ADAMTS17: variants seen among roughly 807,000 people sequenced by gnomAD.
ADAMTS17 encodes ADAM metallopeptidase with thrombospondin type 1 motif 17.
Under a neutral mutation model 141.5 loss-of-function variants are expected in ADAMTS17, and 113 were observed. That is an observed-to-expected ratio of 0.80 (90% confidence interval 0.69 to 0.93). The LOEUF (loss-of-function observed/expected upper bound fraction) is 0.93. ADAMTS17 is among the 40% of genes least tolerant of loss of function. ADAMTS17 has a pLI of 0.00. For missense variants in ADAMTS17, 1,659 were observed against 1,517.9 expected (o/e 1.09, Z -1.54); for synonymous variants, 768 against 630.6 (o/e 1.22, Z -3.27).
rs375900400 is a variant in ADAMTS17, at chr15:100,341,048, G to C, written c.441C>G (p.Ala147=). 1,728 of 1,522,038 alleles carry C rather than the reference G, an allele frequency of 1.1e-3. 23 individuals carry two copies. In the South Asian group the frequency reaches 0.017, roughly 15 times the overall value. The allele number at this position is 1,522,038 out of a possible 1,614,324, so 94.3% of individuals were successfully genotyped here. A position where few individuals can be genotyped will look rare whatever the true frequency, so the allele number is the denominator to read the frequency against. Reference sequence around the variant, plus strand: ...GTGGCGCGGGCAGTACCAGGCCGCCGGCGGCGCCGCAGGCGCTGAGCGAGA... The same window carrying C: ...GTGGCGCGGGCAGTACCAGGCCGCCCGCGGCGCCGCAGGCGCTGAGCGAGA... The part of the protein sequence containing the change: ...SLVSLSACGA[A]GGLVGLIQLG... Residue 147 remains alanine (A), a synonymous_variant, in exon 2 of 22, where the codon GCC becomes GCG. Coordinates refer to ENST00000268070, the MANE Select transcript of ADAMTS17 (RefSeq NM_139057.4).
intron 12 of ADAMTS17, among the ~76,000 whole-genome samples, chr15:100,127,921 A>G (rs1200668981): frequency 6.6e-6 from 1 of 151,786 alleles, no homozygotes; most frequent in Non-Finnish European, 1.5e-5. Flanking sequence ...CAATGAAGAT[A>G]AAAATAATAC....
At chr15:100,253,645 A>G (rs2043232404) in intron 7 of ADAMTS17, among the ~76,000 whole-genome samples, 1 of 152,100 alleles carries the variant, frequency 6.6e-6, no homozygotes, top group Non-Finnish European at 1.5e-5. Flanking sequence ...TAGTCACTAA[A>G]AAGCAAGTAG....
In ADAMTS17 at chr15:100,294,649, T is replaced by A. The variant is rs556366389; in HGVS notation, c.617-13248A>T. On this transcript the variant is annotated intron_variant, in intron 3 of 21. Transcript: ENST00000268070. ...CTTGAGCCCAGAGACTGATGATGCA[T>A]TGAGCCATGACCGTGCCACTGCACT... Among the ~76,000 whole-genome samples the A allele has an allele frequency of 5.9e-5, 9 of 151,948 alleles. No individual in the cohort carries two copies. The South Asian group carries it at 1.9e-3, about 32-fold the overall frequency.
chr15:100,216,864 G>C (rs115395610), intron 7 of ADAMTS17, among the ~76,000 whole-genome samples: 1 of 152,298 alleles, frequency 6.6e-6, no homozygotes, highest in African/African-American at 2.4e-5. Context: ...ATTTTACTAA[G>C]ATTAGATTCG....
chr15:100,056,901 A>C (rs556964841), intron 15 of ADAMTS17, among the ~76,000 whole-genome samples: 1 of 152,012 alleles, frequency 6.6e-6, no homozygotes, highest in Non-Finnish European at 1.5e-5. Flanking sequence ...CAATTTCACA[A>C]GCTTTATGGT....
At chr15:100,150,911 G>A (rs2039131013) in intron 10 of ADAMTS17, among the ~76,000 whole-genome samples, 1 of 152,170 alleles carries the variant, frequency 6.6e-6, no homozygotes, top group African/African-American at 2.4e-5. Context: ...CCTGAAACCT[G>A]CTCTTTACTG....
intron 15 of ADAMTS17, among the ~76,000 whole-genome samples, chr15:100,064,724 G>C (rs1370190209): frequency 6.6e-6 from 1 of 152,202 alleles, no homozygotes; most frequent in East Asian, 1.9e-4. Flanking sequence ...AAGACTCAGG[G>C]AAAACATGAC....
intron 3 of ADAMTS17, among the ~76,000 whole-genome samples, chr15:100,290,284 G>A (rs1466672777): frequency 6.6e-6 from 1 of 151,978 alleles, no homozygotes; most frequent in Non-Finnish European, 1.5e-5. Context: ...AAAATACCCA[G>A]GAATAAGGCT....
rs920987720 is a variant in ADAMTS17, at chr15:99,997,158, C to G, written c.2796+227G>C. On this transcript the variant is annotated intron_variant, in intron 19 of 21. Coordinates refer to ENST00000268070, the MANE Select transcript of ADAMTS17 (RefSeq NM_139057.4). This position sits in a 1 kb window ranked among gnomAD's most constrained non-coding sequence, Gnocchi z 4.7. ...AATTTTCATAGGAAATGGGATCAAACAGTCCTTCACTGTGGTGTTGACATG... is the reference window on the plus strand; with the variant it reads ...AATTTTCATAGGAAATGGGATCAAAGAGTCCTTCACTGTGGTGTTGACATG... Among the ~76,000 whole-genome samples the G allele has an allele frequency of 6.6e-6, 1 of 152,264 alleles. No individual in the cohort carries two copies. The highest frequency in any genetic ancestry group is 2.4e-5 in the African/African-American group (1 of 41,466).
intron 18 of ADAMTS17, among the ~76,000 whole-genome samples, chr15:100,038,015 A>G (rs953479217): frequency 6.6e-6 from 1 of 152,118 alleles, no homozygotes; most frequent in South Asian, 2.1e-4. Flanking sequence ...GACTCAAGCA[A>G]TCCTCTAAAG....
chr15:100,193,005 G>A (rs1010776039), intron 8 of ADAMTS17, among the ~76,000 whole-genome samples: 5 of 152,186 alleles, frequency 3.3e-5, no homozygotes, highest in Admixed American at 2.6e-4. Flanking sequence ...CCTTCCCGAC[G>A]TCCACTGTCC....
In ADAMTS17 at chr15:100,230,372, C is replaced by G. The variant is rs191206530; in HGVS notation, c.1075+23764G>C. 4.5e-3 allele frequency among the ~76,000 whole-genome samples: 691 copies of G among 152,302 alleles called. 4 individuals carry two copies. The highest frequency in any genetic ancestry group is 0.015 in the African/African-American group (636 of 41,560). ...GATAGTAACAGATTCCTGTGTATAA[C>G]TCTTTCCAGATGCTGGCTGGTACAG... is the stretch of plus-strand genomic sequence containing the variant. On this transcript the variant is annotated intron_variant, in intron 7 of 21. Transcript: ENST00000268070.
chr15:100,152,910 A>T, intron 9 of ADAMTS17, 148 bp from the exon 10 acceptor site: 1 of 588,076 alleles, frequency 1.7e-6, no homozygotes, highest in Non-Finnish European at 2.2e-6. Context: ...CTGGACACAC[A>T]GACTGCGCTT....
intron 6 of ADAMTS17, among the ~76,000 whole-genome samples, chr15:100,259,176 G>A (rs1217768862): frequency 1.3e-5 from 2 of 152,224 alleles, no homozygotes; most frequent in Non-Finnish European, 2.9e-5. Context: ...TTCCACAGAT[G>A]ACGTTGTTTA....
chr15:100,004,554 A>G (rs1464745149), intron 18 of ADAMTS17, among the ~76,000 whole-genome samples: 1 of 151,940 alleles, frequency 6.6e-6, no homozygotes, highest in East Asian at 1.9e-4. Flanking sequence ...AAAAACTTTA[A>G]CAGCAATATT....
At position 100,154,648 on chromosome 15, in the gene ADAMTS17, T is replaced by C. The variant is rs149367636; in HGVS notation, c.1322+532A>G. Among the ~76,000 whole-genome samples, 29 of 152,264 alleles carry C rather than the reference T, an allele frequency of 1.9e-4. 1 individual carries two copies. Among genetic ancestry groups the C allele is most frequent in the African/African-American group, 5.8e-4 (24 of 41,554 alleles). On this transcript the variant is annotated intron_variant, in intron 9 of 21. Transcript: ENST00000268070. ...ACTGTGACAAAGGTCTGAAATCAGA[T>C]GGCAGATTCTTCCACAGAAATCTGA...
At chr15:100,319,333 G>A (rs888752285) in intron 3 of ADAMTS17, among the ~76,000 whole-genome samples, 1 of 152,190 alleles carries the variant, frequency 6.6e-6, no homozygotes, top group Admixed American at 6.5e-5. Flanking sequence ...CAGGGCAGGA[G>A]GGAGAACACA....
chr15:100,235,269 T>C (rs1160565905), intron 7 of ADAMTS17, among the ~76,000 whole-genome samples: 1 of 152,166 alleles, frequency 6.6e-6, no homozygotes, highest in Non-Finnish European at 1.5e-5. Context: ...AGAATGTCAG[T>C]AGGGCTGGTG....
intron 3 of ADAMTS17, among the ~76,000 whole-genome samples, chr15:100,291,613 TG>T (rs2044626813): frequency 6.6e-6 from 1 of 152,152 alleles, no homozygotes; most frequent in Non-Finnish European, 1.5e-5. Context: ...AATGGTAGAC[TG>T]GTAAACAAAA....
Sources: gnomAD v4.1 joint callset for allele counts (sites outside exome capture counted in the v4.1 genomes callset) on GRCh38, gnomAD v4.1.1 for gene constraint, Gnocchi (gnomAD v3.1) non-coding constraint, MANE v1.5 for transcripts, NCBI Gene and HGNC (gene_info 2026-07-23, HGNC 2026-07-21) for gene names.